The following CPB2 variants were observed in gnomAD, a reference collection of about 807,000 sequenced individuals.
CPB2 encodes the protein carboxypeptidase B-like protein.
In CPB2, 54 loss-of-function variants were observed where a neutral mutation model predicts 57.0. The ratio of observed to expected loss-of-function variants is 0.95; its 90% confidence interval spans 0.76 to 1.19. The LOEUF (loss-of-function observed/expected upper bound fraction) is 1.19. CPB2 is among the 50% of genes most tolerant of loss of function. CPB2 has a pLI of 0.00. For missense variants in CPB2, 426 were observed against 512.0 expected (o/e 0.83, Z 1.62); for synonymous variants, 189 against 178.1 (o/e 1.06, Z -0.49).
intron 4 of CPB2, among the ~76,000 whole-genome samples, chr13:46,080,860 T>C (rs375321117): frequency 9.5e-4 from 144 of 150,964 alleles, no homozygotes; most frequent in African/African-American, 3.3e-3. Context: ...TAGTCCCAGC[T>C]ACTCTGGAGG....
At chr13:46,084,397 T>G (rs1220103127) in intron 2 of CPB2, 54 bp from the exon 3 acceptor site, 9 of 1,597,972 alleles carry the variant, frequency 5.6e-6, no homozygotes, top group Admixed American at 1.7e-5. Flanking sequence ...TTCACATCAT[T>G]CTCATCTGTA....
At chr13:46,077,649 C>T (rs1232619812) in intron 5 of CPB2, among the ~76,000 whole-genome samples, 2 of 151,936 alleles carry the variant, frequency 1.3e-5, no homozygotes, top group Non-Finnish European at 2.9e-5. Context: ...GCACCATTCA[C>T]AATAGTCAAG....
intron 6 of CPB2, among the ~76,000 whole-genome samples, chr13:46,071,568 G>A (rs1354355619): frequency 2.0e-5 from 3 of 152,178 alleles, no homozygotes; most frequent in Non-Finnish European, 2.9e-5. Context: ...TCAGAATGAT[G>A]GCAAGAGTTG....
intron 5 of CPB2, 97 bp downstream of exon 5, chr13:46,078,703 G>T (rs1295945349): frequency 1.2e-6 from 1 of 806,164 alleles, no homozygotes; most frequent in South Asian, 1.5e-5. Context: ...AATATTTTCA[G>T]AACTCAAAGG....
chr13:46,097,650 G>A (rs2045384346), intron 1 of CPB2, among the ~76,000 whole-genome samples: 1 of 152,134 alleles, frequency 6.6e-6, no homozygotes, highest in African/African-American at 2.4e-5. Flanking sequence ...TCCTGTTACT[G>A]AAATAAAAAT....
At chr13:46,073,401 AC>A (rs1172638133) in intron 6 of CPB2, 1 of 800,550 alleles carries the variant, frequency 1.2e-6, no homozygotes, top group Non-Finnish European at 1.5e-6. Context: ...TTCTTCAGGA[AC>A]AAAATTCCCT....
chr13:46,082,474 T>C lies in CPB2; in HGVS notation c.351A>G (p.Ala117=), dbSNP rs750124567. The C allele has an allele frequency of 3.7e-6, 6 of 1,613,562 alleles. No individual in the cohort carries two copies. Among genetic ancestry groups the C allele is most frequent in the Middle Eastern group, 1.7e-4 (1 of 6,058 alleles). ...GTGAGTGATACTGTTCATAGTACGA[T>C]GCGGAGGCTCGGGGGCTGACTGTGT... ...SNDTVSPRAS[A]SYYEQYHSLN... is the part of the protein sequence containing the mutation. The change falls in exon 4 of 11, where the codon GCA becomes GCG. Residue 117 remains alanine (A), a synonymous_variant. Coordinates refer to ENST00000181383, the MANE Select transcript of CPB2 (RefSeq NM_001872.5).
chr13:46,067,243 T>A, intron 7 of CPB2, 64 bp downstream of exon 7: 1 of 794,744 alleles, frequency 1.3e-6, no homozygotes, highest in East Asian at 2.6e-5. Context: ...CTATGAATAA[T>A]TCAACCTGTA....
At chr13:46,059,946 AC>A (rs2044748675) in intron 8 of CPB2, among the ~76,000 whole-genome samples, 1 of 152,200 alleles carries the variant, frequency 6.6e-6, no homozygotes, top group African/African-American at 2.4e-5. Context: ...GATTGGATAA[AC>A]CATTTTTGAT....
intron 6 of CPB2, among the ~76,000 whole-genome samples, chr13:46,068,428 G>A (rs746130714): frequency 2.3e-4 from 35 of 152,056 alleles, no homozygotes; most frequent in Admixed American, 2.6e-4. Flanking sequence ...TTATGAAATC[G>A]GAGAGAAAGA....
At chr13:46,055,159 C>G (rs1463828198) in intron 10 of CPB2, among the ~76,000 whole-genome samples, 1 of 151,718 alleles carries the variant, frequency 6.6e-6, no homozygotes, top group Non-Finnish European at 1.5e-5. Context: ...TTTTATGCTC[C>G]TCTTTTCCCA....
At chr13:46,086,538 T>G (rs1253336621) in intron 2 of CPB2, among the ~76,000 whole-genome samples, 2 of 152,084 alleles carry the variant, frequency 1.3e-5, no homozygotes, top group African/African-American at 4.8e-5. Flanking sequence ...TCCGGGGGAT[T>G]TCTATGGGCT....
rs558621696 is a variant in CPB2, at chr13:46,068,650, G to A, written c.592-1233C>T. On this transcript the variant is annotated intron_variant, in intron 6 of 10. Transcript: ENST00000181383. ...GGTGGTTAGCTGCACCCATCAACCCGTCATCTACATTAGGTATTTCTCCTA... is the reference window on the plus strand; with the variant it reads ...GGTGGTTAGCTGCACCCATCAACCCATCATCTACATTAGGTATTTCTCCTA... Among the ~76,000 whole-genome samples, 11 of 152,106 alleles carry A rather than the reference G, an allele frequency of 7.2e-5. No individual in the cohort carries two copies. The East Asian group carries it at 1.7e-3, about 24-fold the overall frequency.
chr13:46,060,748 T>C (rs1408796615), intron 8 of CPB2, among the ~76,000 whole-genome samples: 3 of 152,110 alleles, frequency 2.0e-5, no homozygotes, highest in Non-Finnish European at 4.4e-5. Flanking sequence ...ATTGTCATTC[T>C]AGAGATTTCA....
chr13:46,096,868 G>A (rs76428396), intron 1 of CPB2, among the ~76,000 whole-genome samples: 1,848 of 152,296 alleles, frequency 0.012, 36 homozygotes, highest in African/African-American at 0.043. Flanking sequence ...TCCCAAATAG[G>A]CAGAGCTTCA....
intron 7 of CPB2, 101 bp from the exon 8 acceptor site, chr13:46,064,842 T>A (rs2044829375): frequency 3.7e-6 from 3 of 820,710 alleles, no homozygotes; most frequent in Non-Finnish European, 6.1e-6. Flanking sequence ...TGCCTTTCTC[T>A]CCTTCAATCC....
At chr13:46,103,651 C>T (rs1331765659) in intron 1 of CPB2, among the ~76,000 whole-genome samples, 1 of 152,190 alleles carries the variant, frequency 6.6e-6, no homozygotes, top group Non-Finnish European at 1.5e-5. Context: ...CAGTGCCTGG[C>T]ACAAACACAG....
intron 6 of CPB2, among the ~76,000 whole-genome samples, chr13:46,071,164 A>G (rs2044936322): frequency 6.6e-6 from 1 of 152,202 alleles, no homozygotes; most frequent in Non-Finnish European, 1.5e-5. Flanking sequence ...TCAAGGGAGC[A>G]AGAAATTGAG....
At chr13:46,069,814 A>G (rs2044911157) in intron 6 of CPB2, among the ~76,000 whole-genome samples, 2 of 152,168 alleles carry the variant, frequency 1.3e-5, no homozygotes, top group African/African-American at 2.4e-5. Context: ...ATTTGTCAAC[A>G]TATGTGTTCA....
Sources: gnomAD v4.1 joint callset for allele counts (sites outside exome capture counted in the v4.1 genomes callset) on GRCh38, gnomAD v4.1.1 for gene constraint, MANE v1.5 for transcripts, NCBI Gene and HGNC (gene_info 2026-07-23, HGNC 2026-07-21) for gene names.